Variants in NEDD4 observed in about 807,000 individuals in gnomAD.
NEDD4 encodes E3 ubiquitin-protein ligase NEDD4.
In NEDD4, 99 loss-of-function variants were observed where a neutral mutation model predicts 144.9. The ratio of observed to expected loss-of-function variants is 0.68; its 90% CI spans 0.58 to 0.81. The LOEUF (loss-of-function observed/expected upper bound fraction) is 0.81, where lower values mean the gene tolerates loss of function less well. NEDD4 is among the 30% of genes least tolerant of loss of function. NEDD4 has a pLI of 0.00. For synonymous variants in NEDD4, 318 were observed against 350.6 expected (o/e 0.91, Z 1.04); for missense variants, 985 against 1,065.9 (o/e 0.92, Z 1.06).
intron 4 of NEDD4, chr15:55,934,709 G>A (rs1183148461): frequency 6.6e-6 from 1 of 151,454 alleles, no homozygotes; most frequent in East Asian, 1.9e-4. Context: ...CCCACCCCCA[G>A]AGCAAATACA....
intron 1 of NEDD4, among the ~76,000 whole-genome samples, chr15:55,975,629 CA>C (rs58557698): frequency 0.42 from 60,794 of 143,108 alleles, 12,563 homozygotes; most frequent in Non-Finnish European, 0.46. Context: ...AAGACGACAC[CA>C]AAAAAAAAAC....
chr15:55,971,873 A>AAAAAC (rs1220560591), intron 1 of NEDD4, among the ~76,000 whole-genome samples: 5 of 152,314 alleles, frequency 3.3e-5, no homozygotes, highest in South Asian at 4.1e-4. Flanking sequence ...AGAGAAAATT[A>AAAAAC]AAAACAAAAC....
At chr15:55,895,436 A>C (rs1223479819) in intron 5 of NEDD4, among the ~76,000 whole-genome samples, 3 of 152,260 alleles carry the variant, frequency 2.0e-5, no homozygotes, top group Non-Finnish European at 4.4e-5. Context: ...TTTAAAAACA[A>C]GTAAGTGTGA....
At chr15:55,977,725 T>A (rs1044515325) in intron 1 of NEDD4, among the ~76,000 whole-genome samples, 1 of 150,220 alleles carries the variant, frequency 6.7e-6, no homozygotes, top group Non-Finnish European at 1.5e-5. Context: ...ATGGGAGATT[T>A]TATTTAATCT....
intron 4 of NEDD4, among the ~76,000 whole-genome samples, chr15:55,937,299 G>C (rs777782598): frequency 5.9e-5 from 9 of 152,070 alleles, no homozygotes; most frequent in South Asian, 2.1e-4. Flanking sequence ...TTTTTATGGC[G>C]AATACATTCA....
At chr15:55,880,923 A>G (rs745697625) in intron 5 of NEDD4, among the ~76,000 whole-genome samples, 60 of 152,322 alleles carry the variant, frequency 3.9e-4, no homozygotes, top group Non-Finnish European at 7.2e-4. Context: ...TGGCGTATAT[A>G]ATGAAACCCC....
At chr15:55,890,702 C>T (rs1301670733) in intron 5 of NEDD4, among the ~76,000 whole-genome samples, 1 of 152,190 alleles carries the variant, frequency 6.6e-6, no homozygotes, top group Non-Finnish European at 1.5e-5. Flanking sequence ...TACTCAGGAA[C>T]AGAATTTGCT....
At chr15:55,977,871 C>T (rs2037732855) in intron 1 of NEDD4, among the ~76,000 whole-genome samples, 1 of 151,934 alleles carries the variant, frequency 6.6e-6, no homozygotes, top group East Asian at 1.9e-4. Flanking sequence ...AGCCATACTA[C>T]GTTACACAGG....
chr15:55,931,349 A>C (rs1425396469), intron 4 of NEDD4, among the ~76,000 whole-genome samples: 1 of 152,194 alleles, frequency 6.6e-6, no homozygotes, highest in East Asian at 1.9e-4. Flanking sequence ...AGGACAGAAC[A>C]CCAGAATTTG....
chr15:55,866,182 G>C (rs1300505832), intron 8 of NEDD4, among the ~76,000 whole-genome samples: 3 of 151,804 alleles, frequency 2.0e-5, no homozygotes, highest in Non-Finnish European at 4.4e-5. Flanking sequence ...CCAAAGTGCT[G>C]GGATTACCAG....
intron 1 of NEDD4, among the ~76,000 whole-genome samples, chr15:55,984,071 C>T (rs759254962): frequency 1.3e-5 from 2 of 152,134 alleles, no homozygotes; most frequent in Admixed American, 1.3e-4. Context: ...GTGCCTGATA[C>T]ATAGTGTTCA....
chr15:55,980,031 C>A (rs1273976454), intron 1 of NEDD4, among the ~76,000 whole-genome samples: 1 of 151,998 alleles, frequency 6.6e-6, no homozygotes, highest in Non-Finnish European at 1.5e-5. Context: ...CTACCTCAGC[C>A]TCCTAGGCTC....
At chr15:55,856,019 T>G in intron 12 of NEDD4, 112 bp downstream of exon 12, 1 of 817,042 alleles carries the variant, frequency 1.2e-6, no homozygotes, top group South Asian at 1.5e-5. Context: ...GCCTACATTC[T>G]GTGCTGTATT....
At chr15:55,950,890 G>A (rs1251372675) in intron 4 of NEDD4, among the ~76,000 whole-genome samples, 1 of 152,094 alleles carries the variant, frequency 6.6e-6, no homozygotes, top group Non-Finnish European at 1.5e-5. Context: ...ATATTAAATA[G>A]GTACAAGGAG....
chr15:55,839,175 C>T (rs539969908), intron 21 of NEDD4, among the ~76,000 whole-genome samples: 160 of 151,854 alleles, frequency 1.1e-3, no homozygotes, highest in African/African-American at 3.7e-3. Context: ...ACTACAGGCG[C>T]GCACCACCAC....
chr15:55,956,758 T>C lies in NEDD4; in HGVS notation c.120-5169A>G, dbSNP rs567241422. Among the ~76,000 whole-genome samples the C allele has an allele frequency of 2.0e-5, 3 of 152,342 alleles. No homozygotes were observed. The East Asian group carries it at 5.8e-4, about 29-fold the overall frequency. On this transcript the variant is annotated intron_variant, in intron 2 of 28. Transcript: ENST00000435532. ...TAATGTAAGTCTTCCAATTTTGTTC[T>C]TTTTTGAAATTGTTTTGGCTATTCT... is the stretch of plus-strand genomic sequence containing the variant.
At chr15:55,926,617 T>C (rs1407316529) in intron 4 of NEDD4, among the ~76,000 whole-genome samples, 1 of 138,488 alleles carries the variant, frequency 7.2e-6, no homozygotes, top group African/African-American at 2.7e-5. Context: ...ATAACAAAAA[T>C]TAGCTGGGCA....
chr15:55,835,030 G>T (rs574454812), intron 24 of NEDD4, among the ~76,000 whole-genome samples: 2 of 152,086 alleles, frequency 1.3e-5, no homozygotes, highest in South Asian at 2.1e-4. Context: ...CACTCTGTAC[G>T]CATTTAAATG....
At position 55,915,351 on chromosome 15, in the gene NEDD4, C is replaced by T. The variant is rs771218289; in HGVS notation, c.291+9295G>A. On this transcript the variant is annotated intron_variant, in intron 5 of 28. Transcript: ENST00000435532. ...GTCTCTTGATAAATTATCCACTTTA[C>T]CTTCATTTCCAGATGCAAACTTTAT... 27 of 1,613,052 alleles carry T rather than the reference C, an allele frequency of 1.7e-5. No homozygotes were observed. The East Asian group carries it at 6.0e-4, about 36-fold the overall frequency.
Sources: gnomAD v4.1 joint callset for allele counts (sites outside exome capture counted in the v4.1 genomes callset) on GRCh38, gnomAD v4.1.1 for gene constraint, MANE v1.5 for transcripts, NCBI Gene and HGNC (gene_info 2026-07-23, HGNC 2026-07-21) for gene names.